Variants in ARID5B observed in about 807,000 individuals in gnomAD.
ARID5B encodes AT-rich interaction domain 5B.
A neutral mutation model predicts 97.2 loss-of-function variants in ARID5B; 13 were observed. That is an observed-to-expected ratio of 0.13 (90% CI 0.09 to 0.21). The LOEUF is 0.21. Among genes scored for constraint, ARID5B ranks in the 10% least tolerant of loss-of-function variants. The pLI, the probability that ARID5B is intolerant of heterozygous loss-of-function variation, is 1.00. For missense variants in ARID5B, 1,210 were observed against 1,465.3 expected, an observed-to-expected ratio of 0.83 and a Z score of 2.84; for synonymous variants, 556 against 570.3, an observed-to-expected ratio of 0.97 and a Z score of 0.36.
In ARID5B at chr10:62,096,716, T is replaced by G. The variant is rs1589298288; in HGVS notation, c.*3686T>G. ...AACATGGCCCAGTGATATTATATAGTTTCCCAATGGAGAGGTTATTGAGTA... is the reference window on the plus strand; with the variant it reads ...AACATGGCCCAGTGATATTATATAGGTTCCCAATGGAGAGGTTATTGAGTA... On this transcript the variant is annotated 3_prime_UTR_variant, in exon 10 of 10. Coordinates refer to ENST00000279873, the MANE Select transcript of ARID5B (RefSeq NM_032199.3). 3.9e-5 allele frequency: 9 copies of G among 233,608 alleles called. No individual in the cohort carries two copies. The East Asian group carries it at 5.4e-4, about 14-fold the overall frequency. 14.5% of individuals were successfully genotyped at this position (233,608 alleles called of 1,614,324 possible). A position where few individuals can be genotyped will look rare whatever the true frequency, so the allele number is the denominator to read the frequency against.
chr10:62,078,617 C>G (rs1008244772), intron 8 of ARID5B, among the ~76,000 whole-genome samples: 3 of 152,182 alleles, frequency 2.0e-5, no homozygotes, highest in East Asian at 1.9e-4. Flanking sequence ...GGCTAGGCAC[C>G]ATGCATGGTC....
chr10:61,926,208 C>T (rs139118796), intron 2 of ARID5B, among the ~76,000 whole-genome samples: 32 of 152,102 alleles, frequency 2.1e-4, no homozygotes, highest in Non-Finnish European at 3.2e-4. Flanking sequence ...AACAAAAACA[C>T]GATAAAAATT....
intron 4 of ARID5B, among the ~76,000 whole-genome samples, chr10:62,047,894 G>C (rs951519468): frequency 4.6e-5 from 7 of 152,138 alleles, no homozygotes; most frequent in African/African-American, 1.4e-4. Flanking sequence ...TCTCTGATTC[G>C]ATTGCAGAGG....
chr10:62,040,250 T>A (rs562317621), intron 4 of ARID5B, among the ~76,000 whole-genome samples: 7 of 152,282 alleles, frequency 4.6e-5, no homozygotes, highest in South Asian at 4.1e-4. Context: ...TCAGGGCCAT[T>A]TAGTAGCCTT....
In ARID5B at chr10:61,940,197, T is replaced by C; in HGVS notation, c.291T>C (p.Ala97=). 6.2e-7 allele frequency: 1 copy of C among 1,614,148 alleles called. No individual in the cohort carries two copies. The highest frequency in any genetic ancestry group is 8.5e-7 in the Non-Finnish European group (1 of 1,179,978). The change falls in exon 3 of 10, where the codon GCT becomes GCC. Residue 97 remains alanine (A), a synonymous_variant. Transcript: ENST00000279873. The stretch of plus-strand genomic sequence containing the variant: ...ACCTCTTGTAGGATGAAGTCATTGC[T>C]GTTTCCGAAAAGGTGATTGTGAAGC... ...NSDHGEDEVI[A]VSEKVIVKLE... is the part of the protein sequence containing the mutation.
intron 2 of ARID5B, among the ~76,000 whole-genome samples, chr10:61,918,100 G>A (rs764147280): frequency 3.9e-5 from 6 of 152,348 alleles, no homozygotes; most frequent in African/African-American, 9.6e-5. Context: ...GGTCTAGTGG[G>A]AAATGAGGTA....
At position 62,095,357 on chromosome 10, in the gene ARID5B, A is replaced by G. The variant is rs1321438346; in HGVS notation, c.*2327A>G. On this transcript the variant is annotated 3_prime_UTR_variant, in exon 10 of 10. Coordinates refer to ENST00000279873, the MANE Select transcript of ARID5B (RefSeq NM_032199.3). ...ATGGGCTAGGTCATATGTGGTTTCTATGAGTTCGTGTCTCAAAAAAAAAAG... is the reference window on the plus strand; with the variant it reads ...ATGGGCTAGGTCATATGTGGTTTCTGTGAGTTCGTGTCTCAAAAAAAAAAG... 4 of 231,816 alleles carry G rather than the reference A, an allele frequency of 1.7e-5. No individual in the cohort carries two copies. Among genetic ancestry groups the G allele is most frequent in the Non-Finnish European group, 3.4e-5 (4 of 117,456 alleles). 14.4% of individuals were successfully genotyped at this position (231,816 alleles called of 1,614,324 possible).
At chr10:61,914,914 C>T (rs1038395516) in intron 2 of ARID5B, among the ~76,000 whole-genome samples, 4 of 152,132 alleles carry the variant, frequency 2.6e-5, no homozygotes, top group Admixed American at 6.5e-5. Flanking sequence ...CATGTTCTCC[C>T]GATGCTGCGA....
Position 62,093,651 on chromosome 10 carries a change from CTTTTTTTTTTTTTTT to C in ARID5B, c.*634_*648del, listed in dbSNP as rs57902062. On this transcript the variant is annotated 3_prime_UTR_variant, in exon 10 of 10. Coordinates refer to ENST00000279873, the MANE Select transcript of ARID5B (RefSeq NM_032199.3). ...CCATTTTCTCCCAGTTCCTTCTCGT[CTTTTTTTTTTTTTTT>C]TTTTTTTTTTTTATTAAATGGTATT... The C allele has an allele frequency of 1.1e-3, 100 of 87,018 alleles. 1 individual carries two copies. The highest frequency in any genetic ancestry group is 7.5e-3 in the African/African-American group (94 of 12,596). 5.4% of individuals were successfully genotyped at this position (87,018 alleles called of 1,614,324 possible).
At chr10:62,073,839 T>C (rs1242998314) in intron 8 of ARID5B, among the ~76,000 whole-genome samples, 1 of 152,238 alleles carries the variant, frequency 6.6e-6, no homozygotes, top group Non-Finnish European at 1.5e-5. Flanking sequence ...TTACTGTAGC[T>C]TTTGATGCAA....
intron 4 of ARID5B, among the ~76,000 whole-genome samples, chr10:62,019,414 C>T (rs572330865): frequency 9.9e-5 from 15 of 152,204 alleles, no homozygotes; most frequent in African/African-American, 3.1e-4. Flanking sequence ...AAGAACATGG[C>T]GTTTTTGTTG....
chr10:61,954,425 T>A (rs1375152702), intron 3 of ARID5B, among the ~76,000 whole-genome samples: 2 of 152,122 alleles, frequency 1.3e-5, no homozygotes, highest in Non-Finnish European at 2.9e-5. Context: ...TGCTAAAATT[T>A]ACCTGTGTGT....
intron 2 of ARID5B, among the ~76,000 whole-genome samples, chr10:61,932,164 A>C (rs7918242): frequency 0.44 from 67,115 of 152,034 alleles, 15,468 homozygotes; most frequent in Non-Finnish European, 0.51. Context: ...TAAAAGTTAC[A>C]TTTACACCAT....
chr10:61,909,635 A>G lies in ARID5B; in HGVS notation c.276+7222A>G, dbSNP rs148688496. On this transcript the variant is annotated intron_variant, in intron 2 of 9. Coordinates refer to ENST00000279873, the MANE Select transcript of ARID5B (RefSeq NM_032199.3). ...CCACCGCGCCTGGCCTTCAGTGAGTATTTTCTGAGTGACTGAACGACATAA... is the reference window on the plus strand; with the variant it reads ...CCACCGCGCCTGGCCTTCAGTGAGTGTTTTCTGAGTGACTGAACGACATAA... Among the ~76,000 whole-genome samples, 5 of 152,202 alleles carry G rather than the reference A, an allele frequency of 3.3e-5. No homozygotes were observed. In the East Asian group the frequency reaches 7.7e-4, roughly 24 times the overall value.
At chr10:61,927,450 C>G (rs1265058432) in intron 2 of ARID5B, among the ~76,000 whole-genome samples, 3 of 152,166 alleles carry the variant, frequency 2.0e-5, no homozygotes, top group Non-Finnish European at 4.4e-5. Context: ...TCTCAGCTCT[C>G]CCTTAGTTTC....
chr10:62,046,208 G>C (rs528793548), intron 4 of ARID5B, among the ~76,000 whole-genome samples: 2 of 152,278 alleles, frequency 1.3e-5, no homozygotes, highest in East Asian at 3.9e-4. Flanking sequence ...TTAAAAAAAA[G>C]AGACGGTCAT....
intron 4 of ARID5B, among the ~76,000 whole-genome samples, chr10:62,007,230 C>G (rs1234361915): frequency 6.6e-6 from 1 of 152,136 alleles, no homozygotes; most frequent in Non-Finnish European, 1.5e-5. Context: ...CTGTAATCCC[C>G]TTTATTATGT....
chr10:61,937,573 TTAATA>T (rs1844327473), intron 2 of ARID5B, among the ~76,000 whole-genome samples: 2 of 152,364 alleles, frequency 1.3e-5, no homozygotes, highest in African/African-American at 4.8e-5. Flanking sequence ...CCAAGGTACA[TTAATA>T]GAATAACAAA....
intron 7 of ARID5B, among the ~76,000 whole-genome samples, chr10:62,065,845 CAAAAA>C (rs60296263): frequency 2.0e-4 from 18 of 88,674 alleles, no homozygotes; most frequent in Non-Finnish European, 2.4e-4. Flanking sequence ...GACTCTGTCT[CAAAAA>C]AAAAAAAAAA....
Sources: gnomAD v4.1 joint callset for allele counts (sites outside exome capture counted in the v4.1 genomes callset) on GRCh38, gnomAD v4.1.1 for gene constraint, MANE v1.5 for transcripts, NCBI Gene and HGNC (gene_info 2026-07-23, HGNC 2026-07-21) for gene names.